The following TEKT3 variants were observed in gnomAD, a reference collection of about 807,000 sequenced individuals.
TEKT3 encodes the protein tektin 3.
TEKT3 carries 49 observed loss-of-function variants against 49.8 expected under a neutral mutation model. The observed-to-expected ratio is 0.98, with a 90% CI of 0.78 to 1.25. The LOEUF (loss-of-function observed/expected upper bound fraction) is 1.25, where lower values mean the gene tolerates loss of function less well. Among genes scored for constraint, TEKT3 ranks in the 50% most tolerant of loss-of-function variants. TEKT3 has a pLI of 0.00. For synonymous variants in TEKT3, 225 were observed against 237.2 expected, an observed-to-expected ratio of 0.95 and a Z score of 0.47; for missense variants, 595 against 629.5, an observed-to-expected ratio of 0.95 and a Z score of 0.59.
chr17:15,304,230 G>T lies in TEKT3; in HGVS notation c.1257-78C>A. 7.1e-7 allele frequency: 1 copy of T among 1,411,692 alleles called. No individual in the cohort carries two copies. The highest frequency in any genetic ancestry group is 9.9e-7 in the Non-Finnish European group (1 of 1,009,362). 87.4% of individuals were successfully genotyped at this position (1,411,692 alleles called of 1,614,324 possible). ...CCAAGTACATCACATTGTAACCAGCGATGCAAAGCTCACATTTTCTTTACT... is the reference window on the plus strand; with the variant it reads ...CCAAGTACATCACATTGTAACCAGCTATGCAAAGCTCACATTTTCTTTACT... On this transcript the variant is annotated intron_variant, in intron 8 of 8. Coordinates refer to ENST00000395930, the MANE Select transcript of TEKT3 (RefSeq NM_031898.3). This position sits in a 1 kb window ranked among gnomAD's most constrained non-coding sequence, Gnocchi z 4.7.
chr17:15,319,870 GA>G, intron 4 of TEKT3, among the ~76,000 whole-genome samples: 1 of 152,274 alleles, frequency 6.6e-6, no homozygotes, highest in South Asian at 2.1e-4. Context: ...ATGCACATTA[GA>G]AAAGTGCACA....
At chr17:15,312,123 T>G (rs1221403482) in intron 7 of TEKT3, 136 bp downstream of exon 7, 3 of 758,276 alleles carry the variant, frequency 4.0e-6, no homozygotes, top group African/African-American at 3.5e-5. Context: ...TTGTGCTGTT[T>G]TAAATTTTTC....
chr17:15,341,466 G>A (rs959329811), intron 1 of TEKT3, 52 bp downstream of exon 1: 2 of 152,254 alleles, frequency 1.3e-5, no homozygotes, highest in Admixed American at 6.5e-5. Flanking sequence ...TGGCGAAGGG[G>A]GATCCTTTGG....
intron 8 of TEKT3, chr17:15,307,099 C>G (rs538337256): frequency 4.4e-4 from 67 of 152,384 alleles, no homozygotes; most frequent in African/African-American, 1.6e-3. Context: ...AAGCACGCTT[C>G]ATGGCACTCA....
At chr17:15,341,249 G>A (rs915886858) in intron 1 of TEKT3, among the ~76,000 whole-genome samples, 1 of 152,222 alleles carries the variant, frequency 6.6e-6, no homozygotes, top group African/African-American at 2.4e-5. Context: ...CACAGTGTCG[G>A]GGGTTCGGAT....
intron 4 of TEKT3, 40 bp from the exon 5 acceptor site, chr17:15,319,187 T>C (rs377335456): frequency 2.1e-4 from 316 of 1,519,554 alleles, no homozygotes; most frequent in Non-Finnish European, 2.4e-4. Context: ...GTTTTCATTA[T>C]TGAATATAAC....
At chr17:15,342,397 T>A (rs1318343159), upstream of TEKT3, among the ~76,000 whole-genome samples, 4 of 152,228 alleles carry the variant, frequency 2.6e-5, no homozygotes, top group Non-Finnish European at 5.9e-5. Flanking sequence ...TTCACCGAGT[T>A]ACTTTGGTAA....
intron 4 of TEKT3, chr17:15,327,687 C>A (rs1468729244): frequency 3.3e-6 from 1 of 301,412 alleles, no homozygotes; most frequent in Non-Finnish European, 6.3e-6. Flanking sequence ...TAAAAAGATG[C>A]AACGGAATGG....
At chr17:15,342,617 C>A (rs1343584601), upstream of TEKT3, among the ~76,000 whole-genome samples, 1 of 152,086 alleles carries the variant, frequency 6.6e-6, no homozygotes, top group African/African-American at 2.4e-5. Flanking sequence ...GCCAGTGTCC[C>A]GAGTTTATTA....
intron 4 of TEKT3, among the ~76,000 whole-genome samples, chr17:15,324,631 G>C (rs1911411912): frequency 6.6e-6 from 1 of 152,036 alleles, no homozygotes; most frequent in South Asian, 2.1e-4. Flanking sequence ...ATCCTCATGG[G>C]TATGAAGTCA....
intron 4 of TEKT3, among the ~76,000 whole-genome samples, chr17:15,324,860 G>A (rs2159289): frequency 0.5 from 76,658 of 151,904 alleles, 19,547 homozygotes; most frequent in Middle Eastern, 0.65. Flanking sequence ...CCAATGTCAC[G>A]AATATTCATG....
At chr17:15,332,935 CTACCTATATACCATCTA>C (rs1465135811) in intron 2 of TEKT3, among the ~76,000 whole-genome samples, 2 of 151,940 alleles carry the variant, frequency 1.3e-5, no homozygotes, top group Non-Finnish European at 2.9e-5. Flanking sequence ...TTATATACCT[CTACCTATATACCATCTA>C]TACCTATATA....
At chr17:15,342,767 A>G (rs1912273838), upstream of TEKT3, among the ~76,000 whole-genome samples, 1 of 152,192 alleles carries the variant, frequency 6.6e-6, no homozygotes, top group African/African-American at 2.4e-5. Flanking sequence ...GAGGAAAACC[A>G]CAGAAAACAC....
At chr17:15,318,268 T>C (rs1911104506) in intron 5 of TEKT3, among the ~76,000 whole-genome samples, 1 of 151,866 alleles carries the variant, frequency 6.6e-6, no homozygotes, top group Admixed American at 6.6e-5. Context: ...GGATTACAGG[T>C]GTGAGCCACC....
At chr17:15,312,135 T>G (rs562662974) in intron 7 of TEKT3, 124 bp downstream of exon 7, 2 of 856,276 alleles carry the variant, frequency 2.3e-6, no homozygotes, top group South Asian at 3.4e-5. Context: ...AAATTTTTCT[T>G]GCTCTGTGTG....
In TEKT3 at chr17:15,314,240, A is replaced by G. The variant is rs568597365; in HGVS notation, c.735-10T>C. 1.3e-5 allele frequency: 21 copies of G among 1,614,040 alleles called. No individual in the cohort carries two copies. The South Asian group carries it at 2.0e-4, about 15-fold the overall frequency. Reference sequence around the variant, plus strand: ...GGACGCTCTGTTGGCTCTGCAATACAGAGTCGGGAAGTGGAGCTTCACACT... The same window carrying G: ...GGACGCTCTGTTGGCTCTGCAATACGGAGTCGGGAAGTGGAGCTTCACACT... On this transcript the variant is annotated splice_polypyrimidine_tract_variant and intron_variant, in intron 5 of 8. Coordinates refer to ENST00000395930, the MANE Select transcript of TEKT3 (RefSeq NM_031898.3).
chr17:15,309,152 G>A (rs1478200520), intron 7 of TEKT3, among the ~76,000 whole-genome samples: 2 of 152,116 alleles, frequency 1.3e-5, no homozygotes, highest in Admixed American at 6.5e-5. Flanking sequence ...CTCCCTGCAA[G>A]CTGCCCCCAA....
At chr17:15,341,792 G>T (rs1912243975), upstream of TEKT3, among the ~76,000 whole-genome samples, 1 of 152,218 alleles carries the variant, frequency 6.6e-6, no homozygotes, top group Admixed American at 6.5e-5. Flanking sequence ...CTTAGTAACC[G>T]AGGCTCCCCG....
chr17:15,317,083 T>C (rs73977999), intron 5 of TEKT3, among the ~76,000 whole-genome samples: 15,550 of 152,130 alleles, frequency 0.1, 2,075 homozygotes, highest in African/African-American at 0.31. Context: ...CCTGGACAGA[T>C]CACAGTGGCC....
Sources: gnomAD v4.1 joint callset for allele counts (sites outside exome capture counted in the v4.1 genomes callset) on GRCh38, gnomAD v4.1.1 for gene constraint, Gnocchi (gnomAD v3.1) non-coding constraint, MANE v1.5 for transcripts, NCBI Gene and HGNC (gene_info 2026-07-23, HGNC 2026-07-21) for gene names.